KCNMB2: variants seen among roughly 807,000 people sequenced by gnomAD.
KCNMB2 encodes the protein potassium calcium-activated channel subfamily M regulatory beta subunit 2.
Under a neutral mutation model 24.5 loss-of-function variants are expected in KCNMB2, and 9 were observed. The ratio of observed to expected loss-of-function variants is 0.37; its 90% CI spans 0.22 to 0.64. The LOEUF (loss-of-function observed/expected upper bound fraction) is 0.64, where lower values mean the gene tolerates loss of function less well. Among genes scored for constraint, KCNMB2 ranks in the 30% least tolerant of loss-of-function variants. KCNMB2 has a pLI of 0.63. For synonymous variants in KCNMB2, 109 were observed against 104.4 expected, an observed-to-expected ratio of 1.04 and a Z score of -0.27; for missense variants, 226 against 284.3, an observed-to-expected ratio of 0.79 and a Z score of 1.47.
chr3:178,803,296 G>A (rs191085864), intron 1 of KCNMB2, among the ~76,000 whole-genome samples: 6 of 152,262 alleles, frequency 3.9e-5, no homozygotes, highest in African/African-American at 1.4e-4. Context: ...AAATCTTAGT[G>A]AATGATACTT....
In KCNMB2 at chr3:178,811,400, C is replaced by T. The variant is rs547189029; in HGVS notation, c.56+3935C>T. ...CCGATTTTTTTTCATGAGTTTATCA[C>T]ATTTGGATCTTTAAACAATATATTG... On this transcript the variant is annotated intron_variant, in intron 2 of 4. Coordinates refer to ENST00000452583, the MANE Select transcript of KCNMB2 (RefSeq NM_181361.3). 3.7e-4 allele frequency among the ~76,000 whole-genome samples: 57 copies of T among 152,264 alleles called. 2 individuals are homozygous for T. In the South Asian group the frequency reaches 7.9e-3, roughly 21 times the overall value.
chr3:178,651,676 C>T (rs1263412946), intron 1 of KCNMB2, among the ~76,000 whole-genome samples: 1 of 152,152 alleles, frequency 6.6e-6, no homozygotes, highest in Non-Finnish European at 1.5e-5. Flanking sequence ...AACTATACTA[C>T]AAGGCTACAG....
intron 1 of KCNMB2, among the ~76,000 whole-genome samples, chr3:178,539,052 C>T (rs1576997212): frequency 6.6e-6 from 1 of 152,166 alleles, no homozygotes; most frequent in East Asian, 1.9e-4. Context: ...ATGGGTAACA[C>T]AGCCATCGTA....
At chr3:178,679,051 T>TTTTTG (rs1491572500) in intron 1 of KCNMB2, among the ~76,000 whole-genome samples, 5 of 73,916 alleles carry the variant, frequency 6.8e-5, no homozygotes, top group Non-Finnish European at 1.2e-4. Flanking sequence ...TTTTTTGTTT[T>TTTTTG]GTTTTTGTTT....
chr3:178,754,629 G>C (rs1351262554), intron 1 of KCNMB2, among the ~76,000 whole-genome samples: 1 of 152,170 alleles, frequency 6.6e-6, no homozygotes, highest in East Asian at 1.9e-4. Context: ...ATTGAGATTT[G>C]ATGTTATGTC....
rs575013981 is a variant in KCNMB2, at chr3:178,631,258, C to A, written c.-68+94547C>A. ...TCCTTCTTCTCCGTGACTGATAAAC[C>A]TCTCAGTACTTTCTGAAATTCCTGG... On this transcript the variant is annotated intron_variant, in intron 1 of 4. Transcript: ENST00000452583. 2.6e-5 allele frequency among the ~76,000 whole-genome samples: 4 copies of A among 152,278 alleles called. No individual in the cohort carries two copies. The East Asian group carries it at 7.7e-4, about 29-fold the overall frequency.
intron 1 of KCNMB2, among the ~76,000 whole-genome samples, chr3:178,554,576 G>T (rs371079751): frequency 1.4e-4 from 21 of 152,100 alleles, no homozygotes; most frequent in Admixed American, 1.0e-3. Context: ...GACCCAACTT[G>T]CAAATTAATT....
rs1223402843 is a variant in KCNMB2 at position 178,843,576 on chromosome 3, C to G, written c.*639C>G. On this transcript the variant is annotated 3_prime_UTR_variant, in exon 5 of 5. Transcript: ENST00000452583. ...TCATTAGCCAGTTCTATAATATCTT[C>G]CTGTGATTTATGTAGAAAATGAACA... is the stretch of plus-strand genomic sequence containing the variant. 5.8e-6 allele frequency: 1 copy of G among 171,356 alleles called. No homozygotes were observed. Among genetic ancestry groups the G allele is most frequent in the Non-Finnish European group, 1.3e-5 (1 of 79,744 alleles). 10.6% of individuals were successfully genotyped at this position (171,356 alleles called of 1,614,324 possible). A position where few individuals can be genotyped will look rare whatever the true frequency, so the allele number is the denominator to read the frequency against.
At chr3:178,751,875 T>C (rs1723863427) in intron 1 of KCNMB2, among the ~76,000 whole-genome samples, 2 of 152,252 alleles carry the variant, frequency 1.3e-5, no homozygotes, top group East Asian at 3.8e-4. Context: ...ATCCAGTGCT[T>C]TGCAGATGTT....
rs553831528 is a variant in KCNMB2 at position 178,583,896 on chromosome 3, C to T, written c.-68+47185C>T. On this transcript the variant is annotated intron_variant, in intron 1 of 4. Coordinates refer to ENST00000452583, the MANE Select transcript of KCNMB2 (RefSeq NM_181361.3). ...GTGTTATAATTACCTGTTCTCATGG[C>T]CTGAAAGTGATGCAGTAGCAGGTGG... Among the ~76,000 whole-genome samples the T allele has an allele frequency of 9.9e-5, 15 of 152,256 alleles. No individual in the cohort carries two copies. The East Asian group carries it at 2.9e-3, about 29-fold the overall frequency.
chr3:178,676,837 T>C lies in KCNMB2; in HGVS notation c.-67-130506T>C, dbSNP rs539032717. The stretch of plus-strand genomic sequence containing the variant: ...ACTAGGGAGAGACAAACCCTTCCAT[T>C]TGTTTAGCATTTTAACGTTACGAAA... On this transcript the variant is annotated intron_variant, in intron 1 of 4. Transcript: ENST00000452583. Among the ~76,000 whole-genome samples, 5 of 152,230 alleles carry C rather than the reference T, an allele frequency of 3.3e-5. No homozygotes were observed. In the South Asian group the frequency reaches 1.0e-3, roughly 32 times the overall value.
intron 1 of KCNMB2, among the ~76,000 whole-genome samples, chr3:178,607,886 T>A (rs1333024963): frequency 6.6e-6 from 1 of 152,178 alleles, no homozygotes; most frequent in Non-Finnish European, 1.5e-5. Context: ...GGGATCCATG[T>A]TCCTACTCAG....
At chr3:178,760,631 TC>T in intron 1 of KCNMB2, among the ~76,000 whole-genome samples, 1 of 151,204 alleles carries the variant, frequency 6.6e-6, no homozygotes, top group Non-Finnish European at 1.5e-5. Context: ...AGCTAAATTT[TC>T]TTTTACAAGA....
intron 1 of KCNMB2, among the ~76,000 whole-genome samples, chr3:178,686,942 T>A (rs1046986277): frequency 6.6e-6 from 1 of 152,156 alleles, no homozygotes; most frequent in Admixed American, 6.5e-5. Flanking sequence ...ACAGCTTTTA[T>A]TTATCTTTTT....
At chr3:178,619,368 A>G (rs1408951512) in intron 1 of KCNMB2, among the ~76,000 whole-genome samples, 1 of 152,230 alleles carries the variant, frequency 6.6e-6, no homozygotes, top group African/African-American at 2.4e-5. Flanking sequence ...TCAAGGAAAT[A>G]AAAACCTAAA....
intron 1 of KCNMB2, among the ~76,000 whole-genome samples, chr3:178,761,905 T>C (rs921863864): frequency 1.4e-4 from 22 of 152,228 alleles, no homozygotes; most frequent in Non-Finnish European, 2.2e-4. Context: ...GGCATGGTGG[T>C]TCACGCCTGT....
chr3:178,597,671 A>T (rs1406297674), intron 1 of KCNMB2, among the ~76,000 whole-genome samples: 1 of 152,184 alleles, frequency 6.6e-6, no homozygotes, highest in African/African-American at 2.4e-5. Context: ...CCTGAAGCAG[A>T]AATACTGGAG....
rs59507604 is a variant in KCNMB2, at chr3:178,786,386, G to A, written c.-67-20957G>A. Among the ~76,000 whole-genome samples the A allele has an allele frequency of 9.5e-3, 1,452 of 152,234 alleles. 25 individuals carry two copies. The highest frequency in any genetic ancestry group is 0.033 in the African/African-American group (1,365 of 41,542). On this transcript the variant is annotated intron_variant, in intron 1 of 4. Transcript: ENST00000452583. ...AGCTCCCCTTTGGGATGGAGTAGTAGTTTATCCATTGCATTAGAGATAGGG... is the reference window on the plus strand; with the variant it reads ...AGCTCCCCTTTGGGATGGAGTAGTAATTTATCCATTGCATTAGAGATAGGG...
At chr3:178,729,990 T>C (rs966116369) in intron 1 of KCNMB2, among the ~76,000 whole-genome samples, 1 of 152,186 alleles carries the variant, frequency 6.6e-6, no homozygotes, top group Non-Finnish European at 1.5e-5. Flanking sequence ...ATTGACAAAA[T>C]AGCCGTAATC....
Sources: allele counts gnomAD v4.1 joint callset (sites outside exome capture counted in the v4.1 genomes callset), GRCh38; gene constraint gnomAD v4.1.1; transcripts MANE v1.5; gene names NCBI Gene and HGNC (gene_info 2026-07-23, HGNC 2026-07-21).